NEGR1: variants seen among roughly 807,000 people sequenced by gnomAD.
NEGR1 encodes the protein IgLON family member 4.
Under a neutral mutation model 40.9 loss-of-function variants are expected in NEGR1, and 10 were observed. The observed-to-expected ratio is 0.24, with a 90% CI of 0.15 to 0.42. The LOEUF is 0.42. Ranked by LOEUF, NEGR1 falls within the 10% of genes least tolerant of loss-of-function variation. The pLI is 1.00. For missense variants in NEGR1, 352 were observed against 438.9 expected (o/e 0.80, Z 1.77); for synonymous variants, 185 against 166.8 (o/e 1.11, Z -0.84).
chr1:72,185,723 C>A (rs952638740), intron 1 of NEGR1, among the ~76,000 whole-genome samples: 4 of 151,812 alleles, frequency 2.6e-5, no homozygotes, highest in African/African-American at 4.8e-5. Context: ...AAAGCAGTGT[C>A]TTGTGGAAAT....
intron 1 of NEGR1, among the ~76,000 whole-genome samples, chr1:72,095,620 T>C (rs1166279439): frequency 1.3e-5 from 2 of 152,112 alleles, no homozygotes; most frequent in African/African-American, 4.8e-5. Context: ...AAACCTCTCC[T>C]TCCCCATGTC....
In NEGR1 at chr1:72,126,088, A is replaced by AGTGTGTGTGTGTGT. The variant is rs72096511; in HGVS notation, c.176+156230_176+156231insACACACACACACAC. 5.3e-3 allele frequency among the ~76,000 whole-genome samples: 692 copies of AGTGTGTGTGTGTGT among 129,352 alleles called. 9 individuals are homozygous for AGTGTGTGTGTGTGT. The highest frequency in any genetic ancestry group is 0.017 in the East Asian group (74 of 4,322). The allele number at this position is 129,352 out of a possible 152,430, so 84.9% of individuals were successfully genotyped here. ...ATTCCCTTATGAGTCATTAGAGAAA[A>AGTGTGTGTGTGTGT]GTATGTGTGTGTGTGTGTGTGTGTG... On this transcript the variant is annotated intron_variant, in intron 1 of 6. Coordinates refer to ENST00000357731, the MANE Select transcript of NEGR1 (RefSeq NM_173808.3).
intron 4 of NEGR1, among the ~76,000 whole-genome samples, chr1:71,683,865 A>G (rs1203678184): frequency 6.6e-6 from 1 of 151,150 alleles, no homozygotes; most frequent in Non-Finnish European, 1.5e-5. Flanking sequence ...GTAAGAAATT[A>G]TGACTCTTAC....
At chr1:71,454,569 T>C (rs1646657478) in intron 6 of NEGR1, among the ~76,000 whole-genome samples, 1 of 152,152 alleles carries the variant, frequency 6.6e-6, no homozygotes, top group African/African-American at 2.4e-5. Flanking sequence ...TTAAAAAAAT[T>C]TACCTTCCAC....
At chr1:72,156,253 T>C (rs1023803901) in intron 1 of NEGR1, among the ~76,000 whole-genome samples, 3 of 152,270 alleles carry the variant, frequency 2.0e-5, no homozygotes, top group African/African-American at 7.2e-5. Context: ...ATCCTTTGGA[T>C]TCCTGTTGTA....
At chr1:72,142,638 A>G (rs1487216784) in intron 1 of NEGR1, among the ~76,000 whole-genome samples, 1 of 151,954 alleles carries the variant, frequency 6.6e-6, no homozygotes, top group East Asian at 1.9e-4. Context: ...TCATTTAAGC[A>G]AAATAACCAA....
chr1:71,794,717 A>T (rs943835570), intron 2 of NEGR1, among the ~76,000 whole-genome samples: 1 of 152,128 alleles, frequency 6.6e-6, no homozygotes. Flanking sequence ...AAGCCAGATG[A>T]AAAAGATTGG....
intron 1 of NEGR1, among the ~76,000 whole-genome samples, chr1:72,232,876 C>A (rs758537166): frequency 1.3e-5 from 2 of 151,948 alleles, no homozygotes; most frequent in Non-Finnish European, 2.9e-5. Flanking sequence ...CTAGAGAAAA[C>A]AACAGAAGGA....
At chr1:71,934,922 G>A (rs1489597308) in intron 2 of NEGR1, among the ~76,000 whole-genome samples, 157 bp downstream of exon 2, 1 of 152,102 alleles carries the variant, frequency 6.6e-6, no homozygotes, top group African/African-American at 2.4e-5. Context: ...GTCTAGGAAT[G>A]TAAATTCCTG....
At chr1:71,751,904 C>T (rs1360065325) in intron 3 of NEGR1, among the ~76,000 whole-genome samples, 2 of 152,066 alleles carry the variant, frequency 1.3e-5, no homozygotes, top group East Asian at 1.9e-4. Context: ...GAAAATTTAT[C>T]GTCATATGAG....
chr1:71,646,754 C>CT (rs1557598932), intron 4 of NEGR1, among the ~76,000 whole-genome samples: 2 of 151,690 alleles, frequency 1.3e-5, no homozygotes, highest in Non-Finnish European at 3.0e-5. Flanking sequence ...GAAAACTGAT[C>CT]TTTTTTTATT....
intron 5 of NEGR1, among the ~76,000 whole-genome samples, chr1:71,597,320 T>A (rs1216415282): frequency 6.6e-6 from 1 of 151,774 alleles, no homozygotes; most frequent in Non-Finnish European, 1.5e-5. Flanking sequence ...GGACCATAGT[T>A]CTACCTGAAA....
rs556774590 is a variant in NEGR1, at chr1:71,746,770, A to ACG, written c.535+29400_535+29401dup. The stretch of plus-strand genomic sequence containing the variant: ...CACACACACACGCGTACACACACAC[A>ACG]CGCACACACACACACACACACACAG... On this transcript the variant is annotated intron_variant, in intron 3 of 6. Coordinates refer to ENST00000357731, the MANE Select transcript of NEGR1 (RefSeq NM_173808.3). Among the ~76,000 whole-genome samples the ACG allele has an allele frequency of 7.2e-3, 1,056 of 147,680 alleles. 12 individuals are homozygous for ACG. The highest frequency in any genetic ancestry group is 0.026 in the African/African-American group (1,009 of 38,840).
chr1:71,646,452 G>C (rs1428435997), intron 4 of NEGR1, among the ~76,000 whole-genome samples: 1 of 151,674 alleles, frequency 6.6e-6, no homozygotes, highest in Non-Finnish European at 1.5e-5. Flanking sequence ...GAAATATCAA[G>C]AAATTAATTG....
intron 3 of NEGR1, among the ~76,000 whole-genome samples, chr1:71,754,291 T>C (rs990254404): frequency 2.6e-5 from 4 of 152,126 alleles, no homozygotes; most frequent in African/African-American, 4.8e-5. Flanking sequence ...ACAAAGAAAA[T>C]ATAAACGAGC....
intron 1 of NEGR1, among the ~76,000 whole-genome samples, chr1:72,113,855 TTGTG>T (rs1208367818): frequency 2.0e-5 from 3 of 151,762 alleles, no homozygotes; most frequent in Non-Finnish European, 4.4e-5. Flanking sequence ...AATTTAACTC[TTGTG>T]TGTGACGTGA....
intron 6 of NEGR1, among the ~76,000 whole-genome samples, chr1:71,541,973 G>A (rs919208577): frequency 1.3e-5 from 2 of 151,722 alleles, no homozygotes; most frequent in Admixed American, 6.6e-5. Context: ...ACTATTCTAA[G>A]TGCTGTTGAT....
intron 6 of NEGR1, among the ~76,000 whole-genome samples, chr1:71,547,630 A>G (rs897166761): frequency 6.6e-6 from 1 of 151,778 alleles, no homozygotes; most frequent in Non-Finnish European, 1.5e-5. Context: ...CTTTCATATC[A>G]GTGTGGCCCC....
chr1:71,664,562 A>G (rs1241019015), intron 4 of NEGR1, among the ~76,000 whole-genome samples: 1 of 152,052 alleles, frequency 6.6e-6, no homozygotes, highest in Non-Finnish European at 1.5e-5. Context: ...AAGAGAAGGG[A>G]GGGAGATGAG....
Sources: gnomAD v4.1 joint callset for allele counts (sites outside exome capture counted in the v4.1 genomes callset) on GRCh38, gnomAD v4.1.1 for gene constraint, MANE v1.5 for transcripts, NCBI Gene and HGNC (gene_info 2026-07-23, HGNC 2026-07-21) for gene names.